The following ALK variants were observed in gnomAD, a reference collection of about 807,000 sequenced individuals.
ALK encodes ALK receptor tyrosine kinase.
Under a neutral mutation model 163.1 loss-of-function variants are expected in ALK, and 74 were observed. The observed-to-expected ratio is 0.45, with a 90% CI of 0.38 to 0.55. The LOEUF (loss-of-function observed/expected upper bound fraction) is 0.55. Ranked by LOEUF, ALK falls within the 20% of genes least tolerant of loss-of-function variation. The pLI is 0.00. For missense variants in ALK, 2,063 were observed against 2,105.3 expected, an observed-to-expected ratio of 0.98 and a Z score of 0.39; for synonymous variants, 960 against 843.2, an observed-to-expected ratio of 1.14 and a Z score of -2.40.
At chr2:29,314,502 C>G (rs753287477) in intron 8 of ALK, among the ~76,000 whole-genome samples, 2 of 151,898 alleles carry the variant, frequency 1.3e-5, no homozygotes, top group Non-Finnish European at 2.9e-5. Context: ...TGTGTGTTTG[C>G]GTGTACATAT....
intron 1 of ALK, among the ~76,000 whole-genome samples, chr2:29,911,086 G>C (rs1667689278): frequency 6.6e-6 from 1 of 152,198 alleles, no homozygotes; most frequent in South Asian, 2.1e-4. Context: ...TCATATGAAG[G>C]CAAGTCTTCT....
At chr2:29,431,911 G>A (rs1193668506) in intron 4 of ALK, among the ~76,000 whole-genome samples, 2 of 152,030 alleles carry the variant, frequency 1.3e-5, no homozygotes, top group Non-Finnish European at 2.9e-5. Flanking sequence ...GGACAGTAGA[G>A]GAGAGAATAT....
Position 29,653,753 on chromosome 2 carries a change from A to T in ALK, c.952+41097T>A, listed in dbSNP as rs567570136. ...TCAAAATAGGGAGATAGAGAAGATGAGAAAAAGTAGTAAAAATCATATACA... is the reference window on the plus strand; with the variant it reads ...TCAAAATAGGGAGATAGAGAAGATGTGAAAAAGTAGTAAAAATCATATACA... On this transcript the variant is annotated intron_variant, in intron 3 of 28. Coordinates refer to ENST00000389048, the MANE Select transcript of ALK (RefSeq NM_004304.5). 3.9e-4 allele frequency among the ~76,000 whole-genome samples: 59 copies of T among 152,218 alleles called. No homozygotes were observed. In the South Asian group the frequency reaches 0.012, roughly 31 times the overall value.
chr2:29,492,140 A>T (rs923182161), intron 4 of ALK, among the ~76,000 whole-genome samples: 1 of 152,206 alleles, frequency 6.6e-6, no homozygotes, highest in Non-Finnish European at 1.5e-5. Flanking sequence ...TACCATTACC[A>T]ATTACAGTAT....
At chr2:29,871,165 C>T (rs916409216) in intron 1 of ALK, among the ~76,000 whole-genome samples, 1 of 152,112 alleles carries the variant, frequency 6.6e-6, no homozygotes, top group Non-Finnish European at 1.5e-5. Flanking sequence ...GGTTAGGATG[C>T]CTGACTGCAG....
intron 4 of ALK, among the ~76,000 whole-genome samples, chr2:29,396,252 G>A (rs928048884): frequency 6.6e-6 from 1 of 152,086 alleles, no homozygotes; most frequent in Non-Finnish European, 1.5e-5. Context: ...TGTTAAGAGG[G>A]GTCTGAGCCT....
At chr2:29,241,150 G>A (rs975655876) in intron 12 of ALK, among the ~76,000 whole-genome samples, 8 of 152,080 alleles carry the variant, frequency 5.3e-5, no homozygotes, top group Admixed American at 1.3e-4. Context: ...TGTTGGGAGC[G>A]GTGTAAGGCG....
chr2:29,697,279 A>G (rs1247373243), intron 2 of ALK, among the ~76,000 whole-genome samples: 1 of 152,156 alleles, frequency 6.6e-6, no homozygotes, highest in Non-Finnish European at 1.5e-5. Context: ...GGCCAAGGCT[A>G]TGACAATGAG....
intron 1 of ALK, among the ~76,000 whole-genome samples, chr2:29,734,523 A>G (rs1679839361): frequency 6.6e-6 from 1 of 152,024 alleles, no homozygotes; most frequent in Non-Finnish European, 1.5e-5. Context: ...TGGTCAGTCT[A>G]GGGATAGTAT....
At chr2:29,692,521 C>A (rs1211365121) in intron 3 of ALK, among the ~76,000 whole-genome samples, 1 of 152,228 alleles carries the variant, frequency 6.6e-6, no homozygotes, top group African/African-American at 2.4e-5. Flanking sequence ...AACCTAGAAC[C>A]CTTGCATGCA....
At chr2:29,640,235 T>C (rs576447598) in intron 3 of ALK, among the ~76,000 whole-genome samples, 5 of 152,322 alleles carry the variant, frequency 3.3e-5, no homozygotes, top group African/African-American at 7.2e-5. Flanking sequence ...TTTGTATATT[T>C]GTCCCCAGTT....
chr2:29,251,098 T>G lies in ALK; in HGVS notation c.2204+7A>C. 7 of 1,613,600 alleles carry G rather than the reference T, an allele frequency of 4.3e-6. No individual in the cohort carries two copies. Among genetic ancestry groups the G allele is most frequent in the Non-Finnish European group, 5.9e-6 (7 of 1,179,826 alleles). ...CTGCCCCTCCCCTCCCCCTCTTCCA[T>G]ACGCACCTGTAGGTGTCGGTGGCTG... On this transcript the variant is annotated splice_region_variant and intron_variant, in intron 12 of 28. Transcript: ENST00000389048.
At chr2:29,644,036 G>A (rs1166439385) in intron 3 of ALK, among the ~76,000 whole-genome samples, 1 of 151,982 alleles carries the variant, frequency 6.6e-6, no homozygotes, top group African/African-American at 2.4e-5. Context: ...AAGAAAATGT[G>A]GCACATATAC....
At chr2:29,827,382 C>G (rs1329089670) in intron 1 of ALK, among the ~76,000 whole-genome samples, 1 of 152,230 alleles carries the variant, frequency 6.6e-6, no homozygotes, top group Non-Finnish European at 1.5e-5. Context: ...ACACTTGCTT[C>G]CTGTGGCTCA....
rs113955793 is a variant in ALK at position 29,275,315 on chromosome 2, ACAGT to A, written c.1912+83_1912+86del. 2,211 of 1,610,912 alleles carry A rather than the reference ACAGT, an allele frequency of 1.4e-3. 28 individuals are homozygous for A. In the African/African-American group the frequency reaches 0.026, roughly 19 times the overall value. ...TTTCACACTGAGGGAGGTGGGAGAGACAGTCAGGCTTAGGCTGAGGAGGGGACAA... is the reference window on the plus strand; with the variant it reads ...TTTCACACTGAGGGAGGTGGGAGAGACAGGCTTAGGCTGAGGAGGGGACAA... On this transcript the variant is annotated intron_variant, in intron 10 of 28. Transcript: ENST00000389048.
At chr2:29,372,070 T>C (rs1028591038) in intron 5 of ALK, among the ~76,000 whole-genome samples, 18 of 152,210 alleles carry the variant, frequency 1.2e-4, no homozygotes, top group African/African-American at 4.1e-4. Flanking sequence ...TCCACTCCAA[T>C]CTTTTGGTAA....
At chr2:29,590,537 C>T (rs1269743811) in intron 3 of ALK, among the ~76,000 whole-genome samples, 1 of 152,124 alleles carries the variant, frequency 6.6e-6, no homozygotes, top group African/African-American at 2.4e-5. Flanking sequence ...AAAAACCCTC[C>T]ACCCTAGATA....
chr2:29,329,486 G>A (rs1052863037), intron 5 of ALK, among the ~76,000 whole-genome samples: 5 of 152,192 alleles, frequency 3.3e-5, no homozygotes, highest in African/African-American at 1.2e-4. Context: ...TCAACACCCC[G>A]AGTGAGCCTG....
At chr2:29,199,603 A>G (rs983959100) in intron 26 of ALK, among the ~76,000 whole-genome samples, 2 of 151,954 alleles carry the variant, frequency 1.3e-5, no homozygotes, top group Non-Finnish European at 2.9e-5. Context: ...CACTTCATCT[A>G]TTTGTCTGCT....
Sources: allele counts gnomAD v4.1 joint callset (sites outside exome capture counted in the v4.1 genomes callset), GRCh38; gene constraint gnomAD v4.1.1; transcripts MANE v1.5; gene names NCBI Gene and HGNC (gene_info 2026-07-23, HGNC 2026-07-21).